GRM3: variants seen among roughly 807,000 people sequenced by gnomAD.
GRM3 encodes metabotropic glutamate receptor 3.
Under a neutral mutation model 70.5 loss-of-function variants are expected in GRM3, and 26 were observed. That is an observed-to-expected ratio of 0.37 (90% CI 0.27 to 0.51). The LOEUF is 0.51. Ranked by LOEUF, GRM3 falls within the 20% of genes least tolerant of loss-of-function variation. GRM3 has a pLI of 0.93. For missense variants in GRM3, 859 were observed against 1,123.8 expected (o/e 0.76, Z 3.37); for synonymous variants, 443 against 434.9 (o/e 1.02, Z -0.23).
chr7:86,789,343 A>G (rs1294882984), intron 3 of GRM3, among the ~76,000 whole-genome samples: 1 of 152,244 alleles, frequency 6.6e-6, no homozygotes, highest in African/African-American at 2.4e-5. Context: ...GCTAACTAGT[A>G]CATTTAAAAA....
intron 3 of GRM3, among the ~76,000 whole-genome samples, chr7:86,808,804 G>GT (rs1042950437): frequency 1.1e-4 from 17 of 152,058 alleles, no homozygotes; most frequent in African/African-American, 3.6e-4. Flanking sequence ...AAGGCATAAG[G>GT]TGTGAGCCAC....
At chr7:86,788,293 G>GA (rs1026343716) in intron 3 of GRM3, among the ~76,000 whole-genome samples, 15 of 152,030 alleles carry the variant, frequency 9.9e-5, no homozygotes, top group Admixed American at 6.5e-5. Context: ...AGGTAATAAT[G>GA]AAAAAAATGC....
intron 1 of GRM3, among the ~76,000 whole-genome samples, chr7:86,654,200 C>T (rs1793675776): frequency 6.6e-6 from 1 of 152,192 alleles, no homozygotes. Context: ...GGGGGAGGCT[C>T]AGCCTGGGCC....
At chr7:86,778,675 C>G (rs982881429) in intron 2 of GRM3, among the ~76,000 whole-genome samples, 2 of 152,102 alleles carry the variant, frequency 1.3e-5, no homozygotes, top group Non-Finnish European at 2.9e-5. Flanking sequence ...CCCATGATCA[C>G]AGCACCTTTC....
At chr7:86,822,440 T>C (rs1798141614) in intron 3 of GRM3, among the ~76,000 whole-genome samples, 1 of 151,952 alleles carries the variant, frequency 6.6e-6, no homozygotes. Context: ...GCAGAAGCAA[T>C]ATTTGTGCTG....
chr7:86,768,486 G>A (rs1037694299), intron 2 of GRM3, among the ~76,000 whole-genome samples: 1 of 152,144 alleles, frequency 6.6e-6, no homozygotes, highest in African/African-American at 2.4e-5. Context: ...ATCTGGTTAT[G>A]GGTACAATGT....
intron 1 of GRM3, among the ~76,000 whole-genome samples, chr7:86,719,839 G>A (rs989055274): frequency 1.5e-4 from 22 of 149,892 alleles, no homozygotes; most frequent in African/African-American, 5.1e-4. Flanking sequence ...GGATGAGTAG[G>A]ACTTAGCTGG....
intron 3 of GRM3, among the ~76,000 whole-genome samples, chr7:86,824,092 C>CAGTCAG (rs1447647535): frequency 9.2e-5 from 14 of 152,234 alleles, no homozygotes; most frequent in African/African-American, 3.1e-4. Context: ...GAAGCTAGTT[C>CAGTCAG]CTCTGTCAGT....
At chr7:86,806,366 C>G (rs1226270066) in intron 3 of GRM3, among the ~76,000 whole-genome samples, 1 of 152,226 alleles carries the variant, frequency 6.6e-6, no homozygotes, top group Non-Finnish European at 1.5e-5. Flanking sequence ...GTCACACCAA[C>G]AGTGTAAAAG....
At chr7:86,645,980 T>TGGGTGGGGAG (rs1562811178) in intron 1 of GRM3, among the ~76,000 whole-genome samples, 1 of 50,178 alleles carries the variant, frequency 2.0e-5, no homozygotes, top group Non-Finnish European at 3.8e-5. Flanking sequence ...TTCTTTGTGG[T>TGGGTGGGGAG]GGGCGGGGGG....
At chr7:86,737,562 T>A (rs568145949) in intron 1 of GRM3, among the ~76,000 whole-genome samples, 1 of 152,320 alleles carries the variant, frequency 6.6e-6, no homozygotes, top group African/African-American at 2.4e-5. Flanking sequence ...AATGAAGTAC[T>A]CAATTTGTTA....
chr7:86,660,782 A>G (rs151300042), intron 1 of GRM3, among the ~76,000 whole-genome samples: 1 of 152,150 alleles, frequency 6.6e-6, no homozygotes, highest in African/African-American at 2.4e-5. Flanking sequence ...AGCATACTCA[A>G]ATTGGATATC....
chr7:86,760,585 C>T (rs140314818), intron 1 of GRM3, among the ~76,000 whole-genome samples: 14 of 152,008 alleles, frequency 9.2e-5, no homozygotes, highest in African/African-American at 2.7e-4. Context: ...TCACACAATC[C>T]GATAAACTGT....
At chr7:86,791,176 T>C (rs1449477570) in intron 3 of GRM3, among the ~76,000 whole-genome samples, 1 of 152,204 alleles carries the variant, frequency 6.6e-6, no homozygotes, top group Non-Finnish European at 1.5e-5. Context: ...GCATGGTACA[T>C]ATATTTCATC....
intron 5 of GRM3, among the ~76,000 whole-genome samples, chr7:86,860,732 T>C (rs919795527): frequency 6.6e-6 from 1 of 152,190 alleles, no homozygotes; most frequent in Admixed American, 6.5e-5. Flanking sequence ...GACTATTTTA[T>C]ACTAGAACTT....
At chr7:86,716,371 C>T (rs1795314445) in intron 1 of GRM3, among the ~76,000 whole-genome samples, 1 of 151,856 alleles carries the variant, frequency 6.6e-6, no homozygotes, top group Admixed American at 6.6e-5. Flanking sequence ...CGTATTATTC[C>T]ACTTAATCCT....
At chr7:86,749,129 TA>T (rs1796171954) in intron 1 of GRM3, among the ~76,000 whole-genome samples, 1 of 152,080 alleles carries the variant, frequency 6.6e-6, no homozygotes, top group African/African-American at 2.4e-5. Flanking sequence ...AATCAGGGCT[TA>T]TTTTCTAATT....
chr7:86,719,531 A>G (rs887031434), intron 1 of GRM3, among the ~76,000 whole-genome samples: 3 of 152,060 alleles, frequency 2.0e-5, no homozygotes, highest in South Asian at 2.1e-4. Context: ...ATAGAACACA[A>G]TGGATTAAGG....
chr7:86,840,842 C>T (rs1798544898), intron 4 of GRM3, among the ~76,000 whole-genome samples: 1 of 152,028 alleles, frequency 6.6e-6, no homozygotes, highest in South Asian at 2.1e-4. Flanking sequence ...TGTAAAAATC[C>T]TCAAATCTGC....
Sources: gnomAD v4.1 joint callset for allele counts (sites outside exome capture counted in the v4.1 genomes callset) on GRCh38, gnomAD v4.1.1 for gene constraint, MANE v1.5 for transcripts, NCBI Gene and HGNC (gene_info 2026-07-23, HGNC 2026-07-21) for gene names.